The following PCSK5 variants were observed in gnomAD, a reference collection of about 807,000 sequenced individuals.
PCSK5 encodes proprotein convertase subtilisin/kexin type 5, also known as prohormone convertase 5.
In PCSK5, 129 loss-of-function variants were observed where a neutral mutation model predicts 233.2. That is an observed-to-expected ratio of 0.55 (90% confidence interval 0.48 to 0.64). PCSK5 has a LOEUF of 0.64. PCSK5 is among the 30% of genes least tolerant of loss of function. The probability of loss-of-function intolerance (pLI) is 0.00; values close to 1 mark genes in which losing one functional copy is unlikely to be tolerated. For synonymous variants in PCSK5, 825 were observed against 879.2 expected (o/e 0.94, Z 1.09); for missense variants, 2,076 against 2,430.1 (o/e 0.85, Z 3.06).
intron 8 of PCSK5, among the ~76,000 whole-genome samples, chr9:76,099,017 C>T (rs942125813): frequency 1.3e-5 from 2 of 152,156 alleles, no homozygotes; most frequent in African/African-American, 4.8e-5. Flanking sequence ...TACCCTTTCG[C>T]GAGGTCATAT....
chr9:76,181,647 A>C lies in PCSK5; in HGVS notation c.2197+56A>C, dbSNP rs1587726959. The C allele has an allele frequency of 2.4e-6, 3 of 1,237,460 alleles. No individual in the cohort carries two copies. In the East Asian group the frequency reaches 7.1e-5, roughly 29 times the overall value. 76.7% of individuals were successfully genotyped at this position (1,237,460 alleles called of 1,614,324 possible). On this transcript the variant is annotated intron_variant, in intron 16 of 37. Transcript: ENST00000674117. ...AGAAGAAATGTGGTGTTTTCATTTG[A>C]GTGACCTCAGGAGGGATAGCCTCTT...
intron 5 of PCSK5, 117 bp downstream of exon 5, chr9:76,027,154 C>A: frequency 1.6e-6 from 1 of 616,254 alleles, no homozygotes; most frequent in Admixed American, 2.9e-5. Context: ...CTAATTTGCT[C>A]CAAGATTAAC....
At chr9:76,108,468 C>T (rs1413575443) in intron 9 of PCSK5, among the ~76,000 whole-genome samples, 1 of 152,138 alleles carries the variant, frequency 6.6e-6, no homozygotes, top group East Asian at 1.9e-4. Context: ...CAATAAGAAC[C>T]GTGTGGCCGG....
chr9:76,086,434 A>AGGAGTGAC (rs1308060365), intron 7 of PCSK5, among the ~76,000 whole-genome samples: 1 of 152,174 alleles, frequency 6.6e-6, no homozygotes, highest in African/African-American at 2.4e-5. Context: ...GGATGTAGGA[A>AGGAGTGAC]GGAGTGACCG....
In PCSK5 at chr9:75,891,062, C is replaced by CTGCGAGCTGCGGCGGCCCGGGGT; in HGVS notation, c.-98_-97insTTGCGAGCTGCGGCGGCCCGGGG. ...GCCGCCTCCTGCCGATCGCCCGGGG[C>CTGCGAGCTGCGGCGGCCCGGGGT]TGCGAGCTGCGGCGGCCCGGGGCTG... is the stretch of plus-strand genomic sequence containing the variant. On this transcript the variant is annotated 5_prime_UTR_variant, in exon 1 of 38. Transcript: ENST00000674117. The CTGCGAGCTGCGGCGGCCCGGGGT allele has an allele frequency of 2.1e-6, 2 of 931,638 alleles. No homozygotes were observed. Among genetic ancestry groups the CTGCGAGCTGCGGCGGCCCGGGGT allele is most frequent in the Non-Finnish European group, 2.9e-6 (2 of 686,704 alleles). The allele number at this position is 931,638 out of a possible 1,614,324, so 57.7% of individuals were successfully genotyped here.
intron 13 of PCSK5, among the ~76,000 whole-genome samples, chr9:76,173,783 A>C (rs1295623081): frequency 6.7e-6 from 1 of 150,194 alleles, no homozygotes; most frequent in Non-Finnish European, 1.5e-5. Flanking sequence ...GACCAGCCTG[A>C]CCAACATGGT....
intron 20 of PCSK5, among the ~76,000 whole-genome samples, chr9:76,208,782 T>A (rs1174418578): frequency 6.6e-6 from 1 of 152,126 alleles, no homozygotes; most frequent in African/African-American, 2.4e-5. Context: ...TCATGCGGTA[T>A]TTTTTTTCCA....
chr9:76,340,906 A>G (rs1020409686), intron 35 of PCSK5, among the ~76,000 whole-genome samples: 4 of 151,842 alleles, frequency 2.6e-5, no homozygotes, highest in Admixed American at 1.3e-4. Context: ...TTAAGTGACT[A>G]TATTTTTACT....
At chr9:76,001,640 A>G (rs1309615119) in intron 3 of PCSK5, among the ~76,000 whole-genome samples, 1 of 152,182 alleles carries the variant, frequency 6.6e-6, no homozygotes, top group Non-Finnish European at 1.5e-5. Context: ...GGAAATAAAT[A>G]TTCTATCTTG....
intron 20 of PCSK5, among the ~76,000 whole-genome samples, chr9:76,223,456 A>T (rs916823201): frequency 2.0e-5 from 3 of 152,252 alleles, no homozygotes; most frequent in Admixed American, 6.5e-5. Flanking sequence ...AGTATTCTAC[A>T]GTGTTATCAA....
intron 20 of PCSK5, 112 bp downstream of exon 20, chr9:76,189,858 A>T: frequency 1.6e-6 from 1 of 606,112 alleles, no homozygotes; most frequent in Non-Finnish European, 2.9e-6. Context: ...CAGATATGAC[A>T]TGCTCAATAT....
intron 14 of PCSK5, among the ~76,000 whole-genome samples, chr9:76,179,203 T>C (rs1325072971): frequency 6.6e-6 from 1 of 152,214 alleles, no homozygotes; most frequent in Non-Finnish European, 1.5e-5. Flanking sequence ...TGCTTTTTTC[T>C]TTTTTGTCAA....
chr9:75,897,425 C>A (rs1413675734), intron 1 of PCSK5, among the ~76,000 whole-genome samples: 3 of 151,358 alleles, frequency 2.0e-5, no homozygotes, highest in Non-Finnish European at 4.4e-5. Flanking sequence ...CTCCCATCTC[C>A]TGTTGGACAG....
intron 20 of PCSK5, among the ~76,000 whole-genome samples, chr9:76,221,753 A>C (rs1234127431): frequency 6.6e-6 from 1 of 152,144 alleles, no homozygotes; most frequent in Non-Finnish European, 1.5e-5. Context: ...AAGGAAACTA[A>C]ATATTTGTGT....
chr9:76,230,560 T>C (rs1379920735), intron 21 of PCSK5, among the ~76,000 whole-genome samples: 1 of 152,190 alleles, frequency 6.6e-6, no homozygotes, highest in African/African-American at 2.4e-5. Flanking sequence ...GAACTGATAT[T>C]GGTTCATGGC....
intron 1 of PCSK5, among the ~76,000 whole-genome samples, chr9:75,911,840 T>A (rs1822752667): frequency 1.3e-5 from 2 of 152,180 alleles, no homozygotes; most frequent in Non-Finnish European, 2.9e-5. Flanking sequence ...GTAGTCTCAA[T>A]GTGCAAAGTG....
chr9:76,277,755 C>T (rs2131382180), intron 24 of PCSK5, among the ~76,000 whole-genome samples: 2 of 152,312 alleles, frequency 1.3e-5, no homozygotes, highest in South Asian at 4.1e-4. Flanking sequence ...TCAGAGGATC[C>T]ATTTTGTATT....
intron 35 of PCSK5, among the ~76,000 whole-genome samples, chr9:76,346,597 T>C (rs1379272417): frequency 1.3e-5 from 2 of 152,188 alleles, no homozygotes; most frequent in African/African-American, 4.8e-5. Context: ...TGTTATTTTT[T>C]CATATAATTC....
intron 2 of PCSK5, among the ~76,000 whole-genome samples, chr9:75,969,094 A>C (rs1825714283): frequency 6.6e-6 from 1 of 152,146 alleles, no homozygotes; most frequent in Non-Finnish European, 1.5e-5. Flanking sequence ...CTTCATTCTA[A>C]GGCTACTGCT....
Sources: gnomAD v4.1 joint callset for allele counts (sites outside exome capture counted in the v4.1 genomes callset) on GRCh38, gnomAD v4.1.1 for gene constraint, MANE v1.5 for transcripts, NCBI Gene and HGNC (gene_info 2026-07-23, HGNC 2026-07-21) for gene names.